RNLS: variants seen among roughly 807,000 people sequenced by gnomAD.
The protein encoded by RNLS is renalase, FAD dependent amine oxidase.
A neutral mutation model predicts 39.8 loss-of-function variants in RNLS; 39 were observed. The ratio of observed to expected loss-of-function variants is 0.98; its 90% CI spans 0.76 to 1.28. The LOEUF is 1.28. Among genes scored for constraint, RNLS ranks in the 50% most tolerant of loss-of-function variants. The probability of loss-of-function intolerance (pLI) is 0.00; values close to 1 mark genes in which losing one functional copy is unlikely to be tolerated. For missense variants in RNLS, 410 were observed against 413.3 expected (o/e 0.99, Z 0.07); for synonymous variants, 147 against 150.7 (o/e 0.98, Z 0.18).
chr10:88,301,626 GA>G (rs1197404236), intron 6 of RNLS, among the ~76,000 whole-genome samples: 1 of 152,180 alleles, frequency 6.6e-6, no homozygotes, highest in Non-Finnish European at 1.5e-5. Flanking sequence ...TAAGAAGCTG[GA>G]AAATCTTTAA....
intron 4 of RNLS, among the ~76,000 whole-genome samples, chr10:88,397,687 C>T (rs185564400): frequency 5.7e-4 from 87 of 151,924 alleles, no homozygotes; most frequent in East Asian, 3.9e-3. Flanking sequence ...CCAACACAAT[C>T]GCTATAAAAT....
intron 4 of RNLS, among the ~76,000 whole-genome samples, chr10:88,431,281 T>C (rs756904131): frequency 5.9e-4 from 90 of 151,834 alleles, no homozygotes; most frequent in Non-Finnish European, 1.1e-3. Flanking sequence ...TATTTCTTTA[T>C]TGTGTAGATA....
intron 4 of RNLS, among the ~76,000 whole-genome samples, chr10:88,557,966 T>C (rs953142033): frequency 6.6e-6 from 1 of 152,094 alleles, no homozygotes; most frequent in African/African-American, 2.4e-5. Context: ...AAATGAAAAA[T>C]AGGGCTCCAA....
the RNLS span, among the ~76,000 whole-genome samples, chr10:88,194,098 T>C: frequency 6.6e-6 from 1 of 152,242 alleles, no homozygotes; most frequent in South Asian, 2.1e-4. Flanking sequence ...CTTTTGGGCA[T>C]GTGGAAATGG....
intron 5 of RNLS, among the ~76,000 whole-genome samples, chr10:88,320,494 G>A (rs1846104413): frequency 6.8e-6 from 1 of 146,498 alleles, no homozygotes; most frequent in South Asian, 2.3e-4. Flanking sequence ...GAGAAACACA[G>A]ATTGGCAAAC....
At chr10:88,275,326 A>G (rs1842777357) in intron 6 of RNLS, among the ~76,000 whole-genome samples, 1 of 152,168 alleles carries the variant, frequency 6.6e-6, no homozygotes, top group African/African-American at 2.4e-5. Context: ...TAATCTTCAA[A>G]TTATTATTTA....
intron 4 of RNLS, among the ~76,000 whole-genome samples, chr10:88,512,764 C>A (rs928052395): frequency 1.3e-5 from 2 of 152,132 alleles, no homozygotes; most frequent in Non-Finnish European, 2.9e-5. Flanking sequence ...CTTTACTCTC[C>A]CACCTTTGTG....
At chr10:88,226,738 CTTTTTTTTTTTTTTTT>C in the RNLS span, among the ~76,000 whole-genome samples, 68 of 69,476 alleles carry the variant, frequency 9.8e-4, 1 homozygote, top group African/African-American at 3.2e-3. Flanking sequence ...TCTCCCTTCA[CTTTTTTTTTTTTTTTT>C]TTTTTTTTTT....
chr10:88,519,693 G>GAT lies in RNLS; in HGVS notation c.526+53208_526+53209dup, dbSNP rs201233182. On this transcript the variant is annotated intron_variant, in intron 4 of 6. Transcript: ENST00000331772. ...TTGAATAAGCACTGCCAGCTACATA[G>GAT]ATATATATCTGATATATATCACATA... 7.3e-3 allele frequency among the ~76,000 whole-genome samples: 1,095 copies of GAT among 149,256 alleles called. 4 individuals carry two copies. Among genetic ancestry groups the GAT allele is most frequent in the Middle Eastern group, 0.049 (14 of 284 alleles).
the RNLS span, among the ~76,000 whole-genome samples, chr10:88,179,832 A>G: frequency 6.6e-6 from 1 of 152,224 alleles, no homozygotes; most frequent in Non-Finnish European, 1.5e-5. Flanking sequence ...TTTAATTATT[A>G]AATCCACATT....
chr10:88,194,146 G>A, the RNLS span, among the ~76,000 whole-genome samples: 1 of 152,106 alleles, frequency 6.6e-6, no homozygotes, highest in Non-Finnish European at 1.5e-5. Flanking sequence ...AGAACAGCTG[G>A]GCCTAAAGCA....
chr10:88,559,170 G>C (rs1305554245), intron 4 of RNLS, among the ~76,000 whole-genome samples: 2 of 151,978 alleles, frequency 1.3e-5, no homozygotes, highest in African/African-American at 4.8e-5. Flanking sequence ...ATTCATTATG[G>C]GTAGTATTTT....
At chr10:88,355,302 A>T (rs937965006) in intron 5 of RNLS, among the ~76,000 whole-genome samples, 6 of 151,778 alleles carry the variant, frequency 4.0e-5, no homozygotes, top group Non-Finnish European at 7.4e-5. Flanking sequence ...GATTTTTAGA[A>T]TTTTCAGTTT....
chr10:88,443,634 A>G (rs1050260911), intron 4 of RNLS, among the ~76,000 whole-genome samples: 3 of 152,208 alleles, frequency 2.0e-5, no homozygotes, highest in African/African-American at 2.4e-5. Context: ...CACTTTTCCA[A>G]TGGTCTTAGC....
the RNLS span, among the ~76,000 whole-genome samples, chr10:88,207,569 A>C: frequency 2.6e-5 from 4 of 152,210 alleles, no homozygotes; most frequent in African/African-American, 9.6e-5. Flanking sequence ...ACTCTCACAC[A>C]TTGCTTTAAA....
chr10:88,508,142 G>A (rs1343530513), intron 4 of RNLS, among the ~76,000 whole-genome samples: 2 of 152,060 alleles, frequency 1.3e-5, no homozygotes, highest in African/African-American at 2.4e-5. Context: ...GCTGGACTTG[G>A]GAAAAATAAT....
intron 6 of RNLS, among the ~76,000 whole-genome samples, chr10:88,277,572 A>G (rs902834098): frequency 4.6e-5 from 7 of 152,190 alleles, no homozygotes; most frequent in African/African-American, 1.7e-4. Flanking sequence ...CATACAGAAG[A>G]GTTATTGACC....
At position 88,285,322 on chromosome 10, in the gene RNLS, C is replaced by A; in HGVS notation, c.*32G>T. On this transcript the variant is annotated 3_prime_UTR_variant, in exon 7 of 7. Coordinates refer to ENST00000331772, the MANE Select transcript of RNLS (RefSeq NM_001031709.3). ...ACAGAAAATTGTGAAAATAAAAACC[C>A]AATACACATGTAGAGAATAAGGATA... 10 of 1,491,624 alleles carry A rather than the reference C, an allele frequency of 6.7e-6. No homozygotes were observed. Among genetic ancestry groups the A allele is most frequent in the East Asian group, 2.4e-5 (1 of 41,284 alleles). The allele number at this position is 1,491,624 out of a possible 1,614,324, so 92.4% of individuals were successfully genotyped here.
intron 4 of RNLS, chr10:88,545,524 T>C (rs111727472): frequency 1.5e-3 from 679 of 453,794 alleles, no homozygotes; most frequent in Middle Eastern, 7.2e-3. Context: ...ACAAGACTTA[T>C]TCACTATCAC....
Sources: gnomAD v4.1 joint callset for allele counts (sites outside exome capture counted in the v4.1 genomes callset) on GRCh38, gnomAD v4.1.1 for gene constraint, MANE v1.5 for transcripts, NCBI Gene and HGNC (gene_info 2026-07-23, HGNC 2026-07-21) for gene names.